Variants in ACOXL observed in about 807,000 individuals in gnomAD.
The protein encoded by ACOXL is acyl-CoA oxidase like.
A neutral mutation model predicts 71.9 loss-of-function variants in ACOXL; 70 were observed. The observed-to-expected ratio is 0.97, with a 90% confidence interval of 0.80 to 1.19. The LOEUF (loss-of-function observed/expected upper bound fraction) is 1.19, where lower values mean the gene tolerates loss of function less well. Among genes scored for constraint, ACOXL ranks in the 50% most tolerant of loss-of-function variants. The pLI, the probability that ACOXL is intolerant of heterozygous loss-of-function variation, is 0.00. For synonymous variants in ACOXL, 253 were observed against 281.6 expected (o/e 0.90, Z 1.02); for missense variants, 703 against 736.3 (o/e 0.95, Z 0.52).
At chr2:111,108,889 G>C (rs997797793) in intron 17 of ACOXL, among the ~76,000 whole-genome samples, 1 of 152,230 alleles carries the variant, frequency 6.6e-6, no homozygotes, top group South Asian at 2.1e-4. Context: ...AATGGAAGCA[G>C]ATAGATGTAG....
chr2:110,966,741 A>G (rs1345238232), intron 12 of ACOXL, among the ~76,000 whole-genome samples: 1 of 152,198 alleles, frequency 6.6e-6, no homozygotes, highest in Non-Finnish European at 1.5e-5. Flanking sequence ...ATGAGGCACA[A>G]TGAGGTGGTG....
chr2:110,888,019 ACTTTCT>A (rs1463881506), intron 10 of ACOXL: 2 of 152,224 alleles, frequency 1.3e-5, no homozygotes, highest in African/African-American at 4.8e-5. Flanking sequence ...TTCCCAAAAG[ACTTTCT>A]CTGCTGATAA....
At chr2:110,893,413 A>G (rs138527348) in intron 10 of ACOXL, among the ~76,000 whole-genome samples, 2,187 of 152,324 alleles carry the variant, frequency 0.014, 29 homozygotes, top group Middle Eastern at 0.058. Flanking sequence ...ATAATATTTT[A>G]CTTTGTTGAA....
chr2:110,753,294 AGAATTGT>A (rs1021362723), intron 1 of ACOXL, among the ~76,000 whole-genome samples: 1 of 152,212 alleles, frequency 6.6e-6, no homozygotes, highest in African/African-American at 2.4e-5. Context: ...TACAGCCTGC[AGAATTGT>A]GAGCCAAATA....
rs564318829 is a variant in ACOXL, at chr2:110,753,686, A to G, written c.-22-14682A>G. On this transcript the variant is annotated intron_variant, in intron 1 of 17. Coordinates refer to ENST00000439055, the MANE Select transcript of ACOXL (RefSeq NM_001142807.4). ...ATAAAGCTGATAAGAACATTCTTCT[A>G]TGACAATTTGTGTGGGCATGTAATT... is the stretch of plus-strand genomic sequence containing the variant. Among the ~76,000 whole-genome samples, 118 of 152,328 alleles carry G rather than the reference A, an allele frequency of 7.7e-4. 2 individuals carry two copies. The highest frequency in any genetic ancestry group is 2.7e-3 in the African/African-American group (111 of 41,590).
intron 11 of ACOXL, among the ~76,000 whole-genome samples, chr2:110,918,006 C>G (rs888808099): frequency 2.6e-5 from 4 of 152,170 alleles, no homozygotes; most frequent in Non-Finnish European, 4.4e-5. Flanking sequence ...AGATTCAATG[C>G]TATCCCTATC....
At chr2:111,057,549 A>T (rs2066605915) in intron 16 of ACOXL, among the ~76,000 whole-genome samples, 1 of 152,318 alleles carries the variant, frequency 6.6e-6, no homozygotes, top group East Asian at 1.9e-4. Flanking sequence ...CATGGTGTCC[A>T]GGCCAGGGGC....
intron 16 of ACOXL, among the ~76,000 whole-genome samples, chr2:111,068,272 G>A (rs1342662461): frequency 6.6e-6 from 1 of 152,194 alleles, no homozygotes; most frequent in Non-Finnish European, 1.5e-5. Context: ...GCGTGCTGGA[G>A]CTCCCCACAT....
intron 9 of ACOXL, among the ~76,000 whole-genome samples, chr2:110,818,475 GTA>G (rs1448878627): frequency 4.3e-5 from 6 of 140,226 alleles, no homozygotes; most frequent in African/African-American, 1.6e-4. Context: ...ATGTATATGT[GTA>G]TGTGTGTATA....
At chr2:110,818,504 TA>T (rs1426337464) in intron 9 of ACOXL, among the ~76,000 whole-genome samples, 15 of 53,248 alleles carry the variant, frequency 2.8e-4, no homozygotes, top group Non-Finnish European at 1.5e-4. Context: ...TGTATGTGTA[TA>T]TATATATGTG....
intron 14 of ACOXL, among the ~76,000 whole-genome samples, chr2:110,999,513 T>A (rs1466316361): frequency 6.6e-6 from 1 of 152,158 alleles, no homozygotes; most frequent in African/African-American, 2.4e-5. Context: ...ATACATTTTG[T>A]CCTCCAAGAT....
At position 110,798,660 on chromosome 2, in the gene ACOXL, A is replaced by G. The variant is rs763931422; in HGVS notation, c.396A>G (p.Gly132=). ...PCENAEKMYI[G]NAMYGNYAAV... Reference sequence around the variant, plus strand: ...AAAATGCGGAGAAGATGTATATTGGAAATGCCATGTACGGGAATTATGCAG... The same window carrying G: ...AAAATGCGGAGAAGATGTATATTGGGAATGCCATGTACGGGAATTATGCAG... The change falls in exon 6 of 18, where the codon GGA becomes GGG. Residue 132 remains glycine, a synonymous_variant. Transcript: ENST00000439055. The G allele has an allele frequency of 6.2e-7, 1 of 1,614,130 alleles. No individual in the cohort carries two copies.
chr2:110,843,642 TAGC>T (rs1258130203), intron 10 of ACOXL, among the ~76,000 whole-genome samples: 1 of 152,146 alleles, frequency 6.6e-6, no homozygotes, highest in Non-Finnish European at 1.5e-5. Context: ...AGGAGGAAGT[TAGC>T]AGCTGTCTGT....
rs1195924927 is a variant in ACOXL, at chr2:111,029,261, G to A, written c.1282-2366G>A. ...TTTTTAAATCCCCTCCTGGAACCTC[G>A]TATTAAGGTTTTTTTAAGATGAGAG... On this transcript the variant is annotated intron_variant, in intron 14 of 17. Coordinates refer to ENST00000439055, the MANE Select transcript of ACOXL (RefSeq NM_001142807.4). Among the ~76,000 whole-genome samples the A allele has an allele frequency of 5.9e-5, 9 of 152,214 alleles. No homozygotes were observed. The South Asian group carries it at 1.4e-3, about 25-fold the overall frequency.
At chr2:111,093,725 G>A (rs552959012) in intron 17 of ACOXL, 148 of 506,334 alleles carry the variant, frequency 2.9e-4, no homozygotes, top group African/African-American at 2.3e-3. Context: ...TTAGCTGGGC[G>A]TGGTGGCATG....
chr2:111,024,522 C>T (rs898043855), intron 14 of ACOXL, among the ~76,000 whole-genome samples: 5 of 152,184 alleles, frequency 3.3e-5, no homozygotes, highest in African/African-American at 9.7e-5. Context: ...GAACTGCTGA[C>T]ACCTTGATTT....
intron 17 of ACOXL, 43 bp downstream of exon 17, chr2:111,093,009 C>T: frequency 2.0e-6 from 3 of 1,499,080 alleles, no homozygotes; most frequent in South Asian, 2.3e-5. Context: ...TACATCAGCC[C>T]TGGTCTCCTT....
intron 17 of ACOXL, among the ~76,000 whole-genome samples, chr2:111,103,513 A>G (rs2069320128): frequency 6.6e-6 from 1 of 152,082 alleles, no homozygotes; most frequent in African/African-American, 2.4e-5. Context: ...CATTAACCTA[A>G]TTGGCTATTG....
At chr2:110,767,950 ACACACACACACACACACACACACACACAC>A in intron 1 of ACOXL, among the ~76,000 whole-genome samples, 1 of 150,396 alleles carries the variant, frequency 6.6e-6, no homozygotes, top group African/African-American at 2.5e-5. Context: ...ACACACACAC[ACACACACACACACACACACACACACACAC>A]AAATTAGCTG....
Sources: allele counts gnomAD v4.1 joint callset (sites outside exome capture counted in the v4.1 genomes callset), GRCh38; gene constraint gnomAD v4.1.1; transcripts MANE v1.5; gene names NCBI Gene and HGNC (gene_info 2026-07-23, HGNC 2026-07-21).